BSN: variants seen among roughly 807,000 people sequenced by gnomAD.
The protein encoded by BSN is bassoon presynaptic cytomatrix protein, also known as protein bassoon.
In BSN, 57 loss-of-function variants were observed where a neutral mutation model predicts 264.8. The ratio of observed to expected loss-of-function variants is 0.22; its 90% CI spans 0.17 to 0.27. The LOEUF (loss-of-function observed/expected upper bound fraction) is 0.27, where lower values mean the gene tolerates loss of function less well. BSN is among the 10% of genes least tolerant of loss of function. BSN has a pLI of 1.00. For synonymous variants in BSN, 2,059 were observed against 2,137.3 expected (o/e 0.96, Z 1.01); for missense variants, 4,615 against 5,232.5 (o/e 0.88, Z 3.64).
intron 2 of BSN, among the ~76,000 whole-genome samples, chr3:49,626,809 T>TC (rs2052343661): frequency 6.6e-6 from 1 of 152,118 alleles, no homozygotes; most frequent in South Asian, 2.1e-4. Context: ...CCTGGACAAC[T>TC]CCGAGTGAGG....
chr3:49,653,565 A>G lies in BSN; in HGVS notation c.4009A>G (p.Ile1337Val). ...TSSDSSGGRV[I>V]PDVRVTQHFA... ...CTCAGACAGCAGCGGGGGCCGAGTT[A>G]TTCCCGATGTCCGTGTCACTCAGCA... Residue 1337 changes from isoleucine to valine, a missense_variant, in exon 5 of 12, where the codon ATT becomes GTT. Ile to Val is a conservative substitution (Grantham distance 29). Around this residue, in one of 3 missense-constraint regions of BSN, gnomAD observed 3,415 missense variants for 3,866.4 expected, o/e 0.88. Transcript: ENST00000296452. The surrounding 1 kb of genome is among the most constrained non-coding windows in gnomAD (Gnocchi z 6.3). 3 of 1,613,738 alleles carry G rather than the reference A, an allele frequency of 1.9e-6. No individual in the cohort carries two copies. Among genetic ancestry groups the G allele is most frequent in the Non-Finnish European group, 1.7e-6 (2 of 1,179,952 alleles).
At chr3:49,623,926 C>T (rs1244942067) in intron 1 of BSN, among the ~76,000 whole-genome samples, 3 of 152,198 alleles carry the variant, frequency 2.0e-5, no homozygotes, top group East Asian at 3.8e-4. Flanking sequence ...AGGGTCCTGC[C>T]TCCATAGATT....
In BSN at chr3:49,653,340, C is replaced by G; in HGVS notation, c.3784C>G (p.Gln1262Glu). The G allele has an allele frequency of 6.2e-7, 1 of 1,612,068 alleles. No individual in the cohort carries two copies. The highest frequency in any genetic ancestry group is 1.1e-5 in the South Asian group (1 of 90,868). ...LGAAVYEEIL[Q>E]TSQSIVRMRQ... Reference sequence around the variant, plus strand: ...AGCAGCCGTGTACGAAGAAATCCTTCAGACATCACAGAGCATAGTCCGCAT... The same window carrying G: ...AGCAGCCGTGTACGAAGAAATCCTTGAGACATCACAGAGCATAGTCCGCAT... The change falls in exon 5 of 12, where the codon CAG (glutamine) becomes GAG (glutamate). Residue 1262 changes from glutamine to glutamate, a missense_variant. By Grantham distance (29) the Gln-to-Glu change is conservative (BLOSUM62 2). Transcript: ENST00000296452. The surrounding 1 kb of genome is among the most constrained non-coding windows in gnomAD (Gnocchi z 6.3).
intron 1 of BSN, among the ~76,000 whole-genome samples, chr3:49,619,995 T>C (rs1441368729): frequency 6.6e-6 from 1 of 151,976 alleles, no homozygotes; most frequent in East Asian, 1.9e-4. Context: ...GGCAGTTTAA[T>C]GCAGGGATCC....
In BSN at chr3:49,650,704, G is replaced by C. The variant is rs767137108; in HGVS notation, c.1611G>C (p.Gln537His). 7.8e-5 allele frequency: 125 copies of C among 1,612,222 alleles called. No homozygotes were observed. The highest frequency in any genetic ancestry group is 9.2e-5 in the Non-Finnish European group (109 of 1,179,602). ...EPTPLPPPTS[Q>H]QPPVGAPHRA... ...CCCCCCTGCCGCCGCCCACCTCACA[G>C]CAGCCCCCTGTAGGGGCCCCTCACC... is the stretch of plus-strand genomic sequence containing the variant. Residue 537 changes from glutamine to histidine, a missense_variant, in exon 4 of 12, where the codon CAG becomes CAC. This residue lies in a region of BSN where 1,197 missense variants were observed against 1,348.0 expected (regional missense o/e 0.89). Transcript: ENST00000296452.
intron 1 of BSN, among the ~76,000 whole-genome samples, chr3:49,622,810 C>T (rs1431887238): frequency 6.6e-6 from 1 of 152,246 alleles, no homozygotes; most frequent in Non-Finnish European, 1.5e-5. Flanking sequence ...CCAGTGTGGG[C>T]CACTGATGCT....
intron 1 of BSN, among the ~76,000 whole-genome samples, chr3:49,583,677 A>G (rs2051911874): frequency 6.6e-6 from 1 of 152,218 alleles, no homozygotes; most frequent in South Asian, 2.1e-4. Flanking sequence ...AGTGAAGACA[A>G]CTGAGCATAA....
intron 1 of BSN, among the ~76,000 whole-genome samples, chr3:49,619,757 C>T (rs2052289563): frequency 6.6e-6 from 1 of 152,194 alleles, no homozygotes; most frequent in African/African-American, 2.4e-5. Flanking sequence ...AAGTTCTCTC[C>T]TGCATGAAGT....
intron 1 of BSN, among the ~76,000 whole-genome samples, chr3:49,593,042 G>T (rs1197377458): frequency 1.3e-5 from 2 of 152,114 alleles, no homozygotes; most frequent in African/African-American, 2.4e-5. Flanking sequence ...TATTCACCTC[G>T]TTTTGCCCAA....
chr3:49,627,761 G>C (rs749437348), intron 2 of BSN, among the ~76,000 whole-genome samples: 1 of 152,184 alleles, frequency 6.6e-6, no homozygotes, highest in Non-Finnish European at 1.5e-5. Context: ...GGGTCAGAGA[G>C]AGTGACCTTT....
At chr3:49,571,153 T>C (rs2051792073) in intron 1 of BSN, among the ~76,000 whole-genome samples, 1 of 152,210 alleles carries the variant, frequency 6.6e-6, no homozygotes, top group Non-Finnish European at 1.5e-5. Flanking sequence ...ATTTTAAAAA[T>C]ACACTGTGCT....
At chr3:49,589,117 G>C (rs767414741) in intron 1 of BSN, among the ~76,000 whole-genome samples, 8 of 142,764 alleles carry the variant, frequency 5.6e-5, no homozygotes, top group Non-Finnish European at 1.2e-4. Flanking sequence ...GTAGAGACGG[G>C]GTTTCAGGAT....
At position 49,657,719 on chromosome 3, in the gene BSN, G is replaced by A. The variant is rs757105302; in HGVS notation, c.8163G>A (p.Glu2721=). ...GGGAGAGCCTGGCCTGCCAGACGGA[G>A]CCAGATGGGCAGGCCCAGGGTGTAG... ...GRGESLACQT[E]PDGQAQGVAG... The change falls in exon 5 of 12, where the codon GAG becomes GAA. Residue 2721 remains glutamate, a synonymous_variant. Coordinates refer to ENST00000296452, the MANE Select transcript of BSN (RefSeq NM_003458.4). The A allele has an allele frequency of 1.9e-6, 3 of 1,550,350 alleles. No individual in the cohort carries two copies. The highest frequency in any genetic ancestry group is 2.3e-5 in the East Asian group (1 of 44,224).
chr3:49,573,948 C>T (rs550710500), intron 1 of BSN, among the ~76,000 whole-genome samples: 1 of 151,410 alleles, frequency 6.6e-6, no homozygotes, highest in South Asian at 2.1e-4. Flanking sequence ...TGAGCCACTG[C>T]GCCCAGCCTT....
intron 1 of BSN, among the ~76,000 whole-genome samples, chr3:49,624,149 C>T (rs2052325015): frequency 2.0e-5 from 3 of 151,930 alleles, no homozygotes; most frequent in African/African-American, 7.3e-5. Context: ...TACAGGCGCC[C>T]ACCACCACAC....
In BSN at chr3:49,638,458, G is replaced by A. The variant is rs755729665; in HGVS notation, c.634-3810G>A. Reference sequence around the variant, plus strand: ...CAGGAAACTGCTGGGGATCTGTCGGGGAGGCAGAGAGGGGGATGTATTGCT... The same window carrying A: ...CAGGAAACTGCTGGGGATCTGTCGGAGAGGCAGAGAGGGGGATGTATTGCT... On this transcript the variant is annotated intron_variant, in intron 2 of 11. Transcript: ENST00000296452. This position sits in a 1 kb window ranked among gnomAD's most constrained non-coding sequence, Gnocchi z 4.3. 2.6e-5 allele frequency among the ~76,000 whole-genome samples: 4 copies of A among 152,144 alleles called. No individual in the cohort carries two copies. Among genetic ancestry groups the A allele is most frequent in the Non-Finnish European group, 5.9e-5 (4 of 68,020 alleles).
In BSN at chr3:49,662,989, G is replaced by C; in HGVS notation, c.10831G>C (p.Gly3611Arg). The C allele has an allele frequency of 6.2e-7, 1 of 1,614,120 alleles. No homozygotes were observed. Among genetic ancestry groups the C allele is most frequent in the Non-Finnish European group, 8.5e-7 (1 of 1,180,028 alleles). Residue 3611 changes from glycine (G) to arginine (R), a missense_variant, in exon 7 of 12, where the codon GGC becomes CGC. This residue lies in a region of BSN where 3,415 missense variants were observed against 3,866.4 expected (regional missense o/e 0.88). Coordinates refer to ENST00000296452, the MANE Select transcript of BSN (RefSeq NM_003458.4). ...AGTTTCCTCCTCCTCCCAGAAGCGA[G>C]GCCCTGCCAGGCACAGCTACCATGA... ...HAVSSSSQKRGPARHSYHDYD... is the reference protein window; with the variant it reads ...HAVSSSSQKRRPARHSYHDYD...
At chr3:49,613,303 C>CGAGCGAGAGAGAGAGAGA (rs1553662875) in intron 1 of BSN, among the ~76,000 whole-genome samples, 14 of 47,344 alleles carry the variant, frequency 3.0e-4, no homozygotes, top group African/African-American at 9.1e-4. Flanking sequence ...ACACACAGAG[C>CGAGCGAGAGAGAGAGAGA]GAGAGAGAGA....
chr3:49,578,439 G>A (rs771828016), intron 1 of BSN, among the ~76,000 whole-genome samples: 2 of 149,660 alleles, frequency 1.3e-5, no homozygotes, highest in Non-Finnish European at 3.0e-5. Flanking sequence ...ACGGAGTCTC[G>A]CTCTGTCGCT....
Sources: gnomAD v4.1 joint callset for allele counts (sites outside exome capture counted in the v4.1 genomes callset) on GRCh38, gnomAD v4.1.1 for gene constraint, gnomAD v4.1.1 regional missense constraint, Gnocchi (gnomAD v3.1) non-coding constraint, MANE v1.5 for transcripts, NCBI Gene and HGNC (gene_info 2026-07-23, HGNC 2026-07-21) for gene names.